OPCML: variants seen among roughly 807,000 people sequenced by gnomAD.
OPCML encodes the protein opioid-binding protein/cell adhesion molecule.
OPCML carries 13 observed loss-of-function variants against 37.8 expected under a neutral mutation model. The observed-to-expected ratio is 0.34, with a 90% CI of 0.22 to 0.55. The LOEUF is 0.55. OPCML is among the 20% of genes least tolerant of loss of function. The pLI, the probability that OPCML is intolerant of heterozygous loss-of-function variation, is 0.91. For missense variants in OPCML, 341 were observed against 435.6 expected (o/e 0.78, Z 1.93); for synonymous variants, 176 against 168.8 (o/e 1.04, Z -0.33).
intron 1 of OPCML, among the ~76,000 whole-genome samples, chr11:133,400,121 C>T (rs903143480): frequency 6.6e-6 from 1 of 152,132 alleles, no homozygotes; most frequent in African/African-American, 2.4e-5. Flanking sequence ...CCCATTACTG[C>T]TTCAGCTTTT....
intron 1 of OPCML, among the ~76,000 whole-genome samples, chr11:133,410,198 T>C (rs575021925): frequency 3.3e-4 from 51 of 152,320 alleles, no homozygotes; most frequent in African/African-American, 1.1e-3. Flanking sequence ...CCCAGCACAG[T>C]GCTTGCAGCA....
chr11:132,629,712 T>C (rs1463634852), intron 3 of OPCML, among the ~76,000 whole-genome samples: 4 of 152,218 alleles, frequency 2.6e-5, no homozygotes, highest in Non-Finnish European at 5.9e-5. Flanking sequence ...TTTATGATAC[T>C]CTGTCATCTT....
rs199685166 is a variant in OPCML at position 132,942,992 on chromosome 11, C to A, written c.80G>T (p.Gly27Val). Residue 27 changes from glycine to valine, a missense_variant, in exon 2 of 8, where the codon GGA becomes GTA. Gly to Val is a moderately radical substitution (Grantham distance 109). Transcript: ENST00000524381. Reference protein sequence around the residue: ...LFIPGVPVRSGDATFPKAMDN... With the variant: ...LFIPGVPVRSVDATFPKAMDN... ...CATAGCTTTGGGGAAGGTGGCATCT[C>A]CGCTGCGCACGGGCACTCCTGTGGG... is the stretch of plus-strand genomic sequence containing the variant. 3 of 1,614,164 alleles carry A rather than the reference C, an allele frequency of 1.9e-6. No homozygotes were observed. In the East Asian group the frequency reaches 6.7e-5, roughly 36 times the overall value.
chr11:133,116,221 C>T (rs577879952), intron 1 of OPCML, among the ~76,000 whole-genome samples: 5 of 152,298 alleles, frequency 3.3e-5, no homozygotes, highest in African/African-American at 1.2e-4. Context: ...CCCGCCTCGG[C>T]CTCCCAAAGT....
intron 1 of OPCML, among the ~76,000 whole-genome samples, chr11:133,471,376 A>G (rs776914974): frequency 3.3e-5 from 5 of 152,232 alleles, no homozygotes; most frequent in African/African-American, 4.8e-5. Context: ...TGGTAGGTAA[A>G]AGGGCAAGAT....
chr11:132,706,059 G>C (rs962905467), intron 2 of OPCML, among the ~76,000 whole-genome samples: 1 of 152,092 alleles, frequency 6.6e-6, no homozygotes, highest in African/African-American at 2.4e-5. Flanking sequence ...ACACACCTCG[G>C]CCTCCCAAAG....
chr11:133,490,852 C>A (rs1258352884), intron 1 of OPCML, among the ~76,000 whole-genome samples: 1 of 152,180 alleles, frequency 6.6e-6, no homozygotes, highest in East Asian at 1.9e-4. Flanking sequence ...TCTTCCTTCA[C>A]CCTAGGCCCC....
At chr11:132,902,469 TG>T (rs1159475323) in intron 2 of OPCML, among the ~76,000 whole-genome samples, 1 of 152,114 alleles carries the variant, frequency 6.6e-6, no homozygotes, top group Non-Finnish European at 1.5e-5. Context: ...CGGCCTGCAG[TG>T]CACATTGCCC....
At chr11:132,652,912 G>A (rs1030151595) in intron 3 of OPCML, among the ~76,000 whole-genome samples, 1 of 152,100 alleles carries the variant, frequency 6.6e-6, no homozygotes, top group Non-Finnish European at 1.5e-5. Context: ...ACAAACATTT[G>A]CTGAGTGCCT....
intron 2 of OPCML, among the ~76,000 whole-genome samples, chr11:132,756,698 G>C (rs1412485240): frequency 6.6e-6 from 1 of 152,154 alleles, no homozygotes; most frequent in Non-Finnish European, 1.5e-5. Flanking sequence ...AATTGGCTAA[G>C]TAACTTCTAT....
intron 3 of OPCML, among the ~76,000 whole-genome samples, chr11:132,615,904 A>C (rs968846168): frequency 1.3e-5 from 2 of 152,250 alleles, no homozygotes; most frequent in African/African-American, 4.8e-5. Context: ...AAAAAAAGGC[A>C]GATTGGCCAG....
intron 1 of OPCML, among the ~76,000 whole-genome samples, chr11:133,343,220 G>T (rs1281149769): frequency 6.6e-6 from 1 of 152,060 alleles, no homozygotes; most frequent in Non-Finnish European, 1.5e-5. Context: ...AGAGAGAGAA[G>T]TGGCATGCTC....
At chr11:132,537,006 C>T (rs1015984742) in intron 3 of OPCML, among the ~76,000 whole-genome samples, 31 of 152,230 alleles carry the variant, frequency 2.0e-4, no homozygotes, top group African/African-American at 6.5e-4. Context: ...TGTAAATCCC[C>T]AGGTCTGTTC....
chr11:132,664,348 T>C (rs1032889357), intron 2 of OPCML, among the ~76,000 whole-genome samples: 6 of 152,208 alleles, frequency 3.9e-5, no homozygotes, highest in Non-Finnish European at 4.4e-5. Flanking sequence ...TGGTCTTCTA[T>C]AGAGTACTCA....
chr11:132,562,411 A>G (rs1225283319), intron 3 of OPCML, among the ~76,000 whole-genome samples: 1 of 152,010 alleles, frequency 6.6e-6, no homozygotes, highest in Admixed American at 6.6e-5. Context: ...CTTCAAGTAG[A>G]GTGGCTCTTG....
chr11:133,163,547 T>C (rs767228625), intron 1 of OPCML, among the ~76,000 whole-genome samples: 25 of 152,220 alleles, frequency 1.6e-4, no homozygotes, highest in Non-Finnish European at 2.8e-4. Context: ...TACAGACCAC[T>C]GCAATACCTC....
chr11:132,862,349 G>A (rs917123154), intron 2 of OPCML, among the ~76,000 whole-genome samples: 2 of 152,078 alleles, frequency 1.3e-5, no homozygotes, highest in East Asian at 1.9e-4. Flanking sequence ...ATTTGACTTC[G>A]TTTTGAAATA....
chr11:132,974,904 G>A (rs1946422824), intron 1 of OPCML, among the ~76,000 whole-genome samples: 2 of 151,448 alleles, frequency 1.3e-5, no homozygotes, highest in Admixed American at 6.6e-5. Context: ...TCAAGGCTCT[G>A]TTTAAGGCCC....
chr11:133,251,910 G>C (rs573887336), intron 1 of OPCML, among the ~76,000 whole-genome samples: 1 of 152,146 alleles, frequency 6.6e-6, no homozygotes, highest in Admixed American at 6.5e-5. Flanking sequence ...GCAAAATGCT[G>C]GGGTAGGTGA....
Sources: gnomAD v4.1 joint callset for allele counts (sites outside exome capture counted in the v4.1 genomes callset) on GRCh38, gnomAD v4.1.1 for gene constraint, MANE v1.5 for transcripts, NCBI Gene and HGNC (gene_info 2026-07-23, HGNC 2026-07-21) for gene names.